Variants in BLTP1 observed in about 807,000 individuals in gnomAD.
BLTP1 encodes fragile site-associated protein.
chr4:122,204,500 A>T, the BLTP1 span: 1 of 979,274 alleles, frequency 1.0e-6, no homozygotes, highest in Non-Finnish European at 1.2e-6. Flanking sequence ...ACTTGGGCAG[A>T]CTTATGAGGC....
the BLTP1 span, chr4:122,204,770 C>A: frequency 1.7e-6 from 1 of 579,118 alleles, no homozygotes; most frequent in Non-Finnish European, 2.2e-6. Context: ...AGACGCTGTG[C>A]TAAAGACTAA....
At chr4:122,259,991 C>T in the BLTP1 span, 1 of 746,250 alleles carries the variant, frequency 1.3e-6, no homozygotes. Flanking sequence ...TATAGTCATG[C>T]ATCACTTAAT....
At chr4:122,276,706 G>A in the BLTP1 span, 68 of 894,606 alleles carry the variant, frequency 7.6e-5, no homozygotes, top group Non-Finnish European at 8.2e-5. Flanking sequence ...CTACCTTCAT[G>A]CTGACTAGGC....
At chr4:122,279,676 C>T in the BLTP1 span, 2 of 1,366,618 alleles carry the variant, frequency 1.5e-6, no homozygotes, top group African/African-American at 1.5e-5. Flanking sequence ...GAAGACCTCT[C>T]AAATTTATAA....
the BLTP1 span, chr4:122,273,277 C>T: frequency 1.0e-6 from 1 of 979,786 alleles, no homozygotes; most frequent in Non-Finnish European, 1.2e-6. Context: ...GTTTTGTACC[C>T]TAAACATTTA....
At chr4:122,156,434 G>C in the BLTP1 span, among the ~76,000 whole-genome samples, 1 of 152,146 alleles carries the variant, frequency 6.6e-6, no homozygotes, top group African/African-American at 2.4e-5. Context: ...TGGAAGAACC[G>C]AGTTTAGAGA....
chr4:122,183,172 C>T, the BLTP1 span: 17 of 430,314 alleles, frequency 4.0e-5, no homozygotes, highest in Admixed American at 1.1e-3. Flanking sequence ...CCTGTTTCTA[C>T]AAAAAATACA....
the BLTP1 span, chr4:122,214,613 ATTCT>A: frequency 2.3e-4 from 83 of 365,232 alleles, no homozygotes; most frequent in Non-Finnish European, 2.6e-4. Flanking sequence ...TTTTCAGTAA[ATTCT>A]TTTTTTTTTT....
At chr4:122,244,149 G>T in the BLTP1 span, 3 of 1,047,412 alleles carry the variant, frequency 2.9e-6, no homozygotes, top group Non-Finnish European at 3.9e-6. Flanking sequence ...TGTGATATAT[G>T]TTCATATAGA....
chr4:122,281,555 G>C, the BLTP1 span: 1 of 1,597,244 alleles, frequency 6.3e-7, no homozygotes, highest in Non-Finnish European at 8.5e-7. Flanking sequence ...TGTAAAAGAA[G>C]ATATTGCAAC....
chr4:122,315,834 A>G, the BLTP1 span: 2 of 716,744 alleles, frequency 2.8e-6, no homozygotes, highest in South Asian at 3.7e-5. Context: ...TACATTTCAT[A>G]ATACTGTCTT....
the BLTP1 span, chr4:122,344,601 C>G: frequency 7.0e-7 from 1 of 1,423,100 alleles, no homozygotes; most frequent in Non-Finnish European, 9.9e-7. Flanking sequence ...ATACTGTTTT[C>G]CAAAATTAAA....
At chr4:122,227,606 T>A in the BLTP1 span, 2 of 310,326 alleles carry the variant, frequency 6.4e-6, no homozygotes, top group South Asian at 2.5e-4. Context: ...TTTCCTTTTT[T>A]GTTCTTCTGC....
chr4:122,353,231 G>T, the BLTP1 span: 1 of 1,547,856 alleles, frequency 6.5e-7, no homozygotes, highest in Admixed American at 1.9e-5. The surrounding 1 kb of genome is among the most constrained non-coding windows in gnomAD (Gnocchi z 4.3). Context: ...TATTTCTGAA[G>T]TCCATCTCTG....
At chr4:122,232,977 T>G in the BLTP1 span, among the ~76,000 whole-genome samples, 4 of 152,230 alleles carry the variant, frequency 2.6e-5, no homozygotes, top group African/African-American at 9.6e-5. Context: ...ATTTCTGATA[T>G]TACTGGAAGA....
chr4:122,188,034 A>G, the BLTP1 span: 2 of 1,585,734 alleles, frequency 1.3e-6, no homozygotes, highest in African/African-American at 1.4e-5. Flanking sequence ...AAGCTTGAAA[A>G]TGTTCGAGTC....
the BLTP1 span, chr4:122,210,106 C>A: frequency 1.3e-6 from 1 of 779,840 alleles, no homozygotes; most frequent in Non-Finnish European, 1.6e-6. Flanking sequence ...AAATGTTGGG[C>A]CAAGCAATTT....
chr4:122,324,482 C>G, the BLTP1 span: 5 of 1,610,932 alleles, frequency 3.1e-6, no homozygotes, highest in South Asian at 3.3e-5. Flanking sequence ...TACAGCCGAT[C>G]AAAAAGCATT....
chr4:122,180,836 T>C, the BLTP1 span, among the ~76,000 whole-genome samples: 1 of 152,232 alleles, frequency 6.6e-6, no homozygotes, highest in African/African-American at 2.4e-5. Context: ...GGTTTTCTAT[T>C]TATGTAATTT....
Sources: gnomAD v4.1 joint callset for allele counts (sites outside exome capture counted in the v4.1 genomes callset) on GRCh38, gnomAD v4.1.1 for gene constraint, Gnocchi (gnomAD v3.1) non-coding constraint, MANE v1.5 for transcripts, NCBI Gene and HGNC (gene_info 2026-07-23, HGNC 2026-07-21) for gene names.